The following NTM variants were observed in gnomAD, a reference collection of about 807,000 sequenced individuals.
The protein encoded by NTM is IgLON family member 2.
In NTM, 13 loss-of-function variants were observed where a neutral mutation model predicts 42.1. The ratio of observed to expected loss-of-function variants is 0.31; its 90% CI spans 0.20 to 0.49. The LOEUF is 0.49. Among genes scored for constraint, NTM ranks in the 20% least tolerant of loss-of-function variants. The probability of loss-of-function intolerance (pLI) is 0.99; values close to 1 mark genes in which losing one functional copy is unlikely to be tolerated. For missense variants in NTM, 373 were observed against 452.8 expected, an observed-to-expected ratio of 0.82 and a Z score of 1.60; for synonymous variants, 187 against 179.2, an observed-to-expected ratio of 1.04 and a Z score of -0.35.
intron 1 of NTM, among the ~76,000 whole-genome samples, chr11:131,833,451 A>G (rs1057291088): frequency 6.6e-6 from 1 of 152,208 alleles, no homozygotes; most frequent in African/African-American, 2.4e-5. Flanking sequence ...AGAAAACTAA[A>G]GCACAGAGAG....
chr11:131,779,484 T>A (rs925706096), intron 1 of NTM, among the ~76,000 whole-genome samples: 3 of 152,188 alleles, frequency 2.0e-5, no homozygotes, highest in African/African-American at 7.2e-5. Context: ...ACCAGCAATA[T>A]GATAGATGGT....
intron 4 of NTM, among the ~76,000 whole-genome samples, chr11:132,262,953 A>G (rs1269287803): frequency 6.6e-6 from 1 of 152,240 alleles, no homozygotes; most frequent in Non-Finnish European, 1.5e-5. Flanking sequence ...ATAGTGGGAC[A>G]GGAATGGGGT....
At chr11:131,687,145 A>G (rs910938734) in intron 1 of NTM, among the ~76,000 whole-genome samples, 5 of 152,180 alleles carry the variant, frequency 3.3e-5, no homozygotes, top group East Asian at 1.9e-4. Context: ...ACGTCATGCA[A>G]TGCTTCCCAC....
intron 3 of NTM, among the ~76,000 whole-genome samples, chr11:132,193,457 G>A (rs889534904): frequency 7.3e-5 from 11 of 151,652 alleles, no homozygotes; most frequent in Admixed American, 1.3e-4. Flanking sequence ...AACAATTTTC[G>A]AAACTAACAA....
intron 1 of NTM, chr11:131,794,413 G>A: frequency 1.1e-6 from 1 of 883,944 alleles, no homozygotes; most frequent in Non-Finnish European, 1.4e-6. Context: ...CCATCTACAT[G>A]CTCCGTAGTT....
At chr11:131,717,750 G>A (rs1033093641) in intron 1 of NTM, among the ~76,000 whole-genome samples, 15 of 152,104 alleles carry the variant, frequency 9.9e-5, no homozygotes, top group African/African-American at 3.6e-4. Flanking sequence ...CCAGTACAAT[G>A]TTGAATAGAA....
chr11:131,842,079 C>T (rs2044328337), intron 1 of NTM, among the ~76,000 whole-genome samples: 1 of 152,234 alleles, frequency 6.6e-6, no homozygotes, highest in African/African-American at 2.4e-5. Flanking sequence ...CATGAGCGAG[C>T]AGCACCTTGA....
At chr11:131,659,361 T>C (rs947340188) in intron 1 of NTM, among the ~76,000 whole-genome samples, 13 of 152,172 alleles carry the variant, frequency 8.5e-5, no homozygotes, top group Non-Finnish European at 1.5e-4. Context: ...TCCTCCTGTC[T>C]CACAGGTGAG....
intron 1 of NTM, among the ~76,000 whole-genome samples, chr11:131,510,434 T>C (rs1441437818): frequency 3.3e-5 from 5 of 152,094 alleles, no homozygotes; most frequent in Admixed American, 2.6e-4. Flanking sequence ...GCTTACCAAC[T>C]GCCCTTTCAT....
chr11:132,063,505 T>C (rs2080995865), intron 2 of NTM, among the ~76,000 whole-genome samples: 1 of 152,164 alleles, frequency 6.6e-6, no homozygotes, highest in Non-Finnish European at 1.5e-5. Flanking sequence ...ATAATCAAAA[T>C]AGTGGTGGAT....
At chr11:131,511,568 C>G (rs1157733858) in intron 1 of NTM, among the ~76,000 whole-genome samples, 3 of 152,190 alleles carry the variant, frequency 2.0e-5, no homozygotes, top group Non-Finnish European at 4.4e-5. Context: ...TGTGCTTGCA[C>G]TTGACAAACA....
intron 1 of NTM, among the ~76,000 whole-genome samples, chr11:131,704,236 C>T (rs956687252): frequency 6.6e-6 from 1 of 152,200 alleles, no homozygotes; most frequent in African/African-American, 2.4e-5. Flanking sequence ...CAGGCCAGCT[C>T]CTGTGGATTC....
At chr11:131,856,251 A>G (rs2046086024) in intron 1 of NTM, among the ~76,000 whole-genome samples, 1 of 152,192 alleles carries the variant, frequency 6.6e-6, no homozygotes, top group Admixed American at 6.5e-5. Context: ...CTCTAAGAGT[A>G]TGGAAATGTC....
intron 2 of NTM, among the ~76,000 whole-genome samples, chr11:132,038,543 G>A (rs1337409488): frequency 6.6e-6 from 1 of 152,198 alleles, no homozygotes; most frequent in East Asian, 1.9e-4. Flanking sequence ...TGAGATTGGA[G>A]TTTCCTCCTG....
At chr11:131,543,381 C>G (rs1427450170) in intron 1 of NTM, among the ~76,000 whole-genome samples, 1 of 152,194 alleles carries the variant, frequency 6.6e-6, no homozygotes, top group Admixed American at 6.5e-5. Flanking sequence ...CAGATAATGT[C>G]TTCCCTTTCT....
chr11:132,307,841 C>G lies in NTM; in HGVS notation c.661+18C>G. On this transcript the variant is annotated intron_variant, in intron 5 of 8. Coordinates refer to ENST00000683400, the MANE Select transcript of NTM (RefSeq NM_001352005.2). Reference sequence around the variant, plus strand: ...CGTGAACTGTAAGTGTTCTCACCACCACGCGCCCTGCACGTGCATCAGGCT... The same window carrying G: ...CGTGAACTGTAAGTGTTCTCACCACGACGCGCCCTGCACGTGCATCAGGCT... 1 of 1,612,724 alleles carries G rather than the reference C, an allele frequency of 6.2e-7. No individual in the cohort carries two copies. The highest frequency in any genetic ancestry group is 8.5e-7 in the Non-Finnish European group (1 of 1,179,196).
At position 131,622,802 on chromosome 11, in the gene NTM, GA is replaced by G. The variant is rs1300424039; in HGVS notation, c.82+251915del. Reference sequence around the variant, plus strand: ...CCCAGCAACTCTCCTGTTGGCCCTTGAGCTAACAAGCTGAGCAATCGCACCG... The same window carrying G: ...CCCAGCAACTCTCCTGTTGGCCCTTGGCTAACAAGCTGAGCAATCGCACCG... On this transcript the variant is annotated intron_variant, in intron 1 of 8. Coordinates refer to ENST00000683400, the MANE Select transcript of NTM (RefSeq NM_001352005.2). 7.2e-5 allele frequency among the ~76,000 whole-genome samples: 11 copies of G among 152,290 alleles called. 1 individual carries two copies. Among genetic ancestry groups the G allele is most frequent in the Admixed American group, 7.2e-4 (11 of 15,296 alleles).
At chr11:132,254,750 G>C (rs533424664) in intron 4 of NTM, among the ~76,000 whole-genome samples, 2 of 152,276 alleles carry the variant, frequency 1.3e-5, no homozygotes, top group African/African-American at 4.8e-5. Flanking sequence ...CTCCTCTTCT[G>C]GATGGGTTTG....
At chr11:131,432,514 G>T (rs544166439) in intron 1 of NTM, among the ~76,000 whole-genome samples, 1 of 152,276 alleles carries the variant, frequency 6.6e-6, no homozygotes, top group East Asian at 1.9e-4. Context: ...CTAATGAATT[G>T]TTCAAGACCA....
Sources: gnomAD v4.1 joint callset for allele counts (sites outside exome capture counted in the v4.1 genomes callset) on GRCh38, gnomAD v4.1.1 for gene constraint, MANE v1.5 for transcripts, NCBI Gene and HGNC (gene_info 2026-07-23, HGNC 2026-07-21) for gene names.